The following AOAH variants were observed in gnomAD, a reference collection of about 807,000 sequenced individuals.
The protein encoded by AOAH is acyloxyacyl hydrolase, also known as acyloxyacyl hydrolase (neutrophil).
In AOAH, 64 loss-of-function variants were observed where a neutral mutation model predicts 92.2. That is an observed-to-expected ratio of 0.69 (90% CI 0.57 to 0.86). The LOEUF (loss-of-function observed/expected upper bound fraction) is 0.86, where lower values mean the gene tolerates loss of function less well. Among genes scored for constraint, AOAH ranks in the 40% least tolerant of loss-of-function variants. The pLI, the probability that AOAH is intolerant of heterozygous loss-of-function variation, is 0.00. For synonymous variants in AOAH, 263 were observed against 254.5 expected, an observed-to-expected ratio of 1.03 and a Z score of -0.32; for missense variants, 656 against 694.6, an observed-to-expected ratio of 0.94 and a Z score of 0.62.
At chr7:36,575,347 G>A (rs1450549107) in intron 13 of AOAH, among the ~76,000 whole-genome samples, 1 of 152,192 alleles carries the variant, frequency 6.6e-6, no homozygotes, top group East Asian at 1.9e-4. Context: ...GTGTGGCTGA[G>A]GAAGAGAGTC....
intron 1 of AOAH, among the ~76,000 whole-genome samples, chr7:36,692,899 T>C (rs946866308): frequency 3.0e-4 from 45 of 152,160 alleles, no homozygotes; most frequent in African/African-American, 1.1e-3. Flanking sequence ...CTCTCAGTGA[T>C]AGCCTCTCAG....
chr7:36,601,551 C>T (rs1790601896), intron 11 of AOAH, among the ~76,000 whole-genome samples: 1 of 152,182 alleles, frequency 6.6e-6, no homozygotes, highest in South Asian at 2.1e-4. Flanking sequence ...TCCTTCTGTG[C>T]TTCAGTTTCA....
chr7:36,613,007 TTGTA>T (rs1791577342), intron 11 of AOAH, among the ~76,000 whole-genome samples: 1 of 152,018 alleles, frequency 6.6e-6, no homozygotes, highest in Non-Finnish European at 1.5e-5. Flanking sequence ...CATTTGAAAA[TTGTA>T]TGTAATTATA....
intron 4 of AOAH, among the ~76,000 whole-genome samples, chr7:36,638,434 G>A (rs1165355520): frequency 6.6e-6 from 1 of 152,190 alleles, no homozygotes; most frequent in Non-Finnish European, 1.5e-5. Context: ...CCTGGTTGGA[G>A]ATCTCCTGTC....
intron 11 of AOAH, among the ~76,000 whole-genome samples, chr7:36,613,217 T>C (rs953410738): frequency 6.6e-6 from 1 of 152,208 alleles, no homozygotes; most frequent in East Asian, 1.9e-4. Flanking sequence ...AATTTTTCCT[T>C]CTTAAAATTC....
intron 15 of AOAH, 89 bp downstream of exon 15, chr7:36,548,523 C>T (rs1412174694): frequency 4.6e-6 from 5 of 1,088,072 alleles, no homozygotes; most frequent in Non-Finnish European, 7.0e-6. Flanking sequence ...GAACAGCAGG[C>T]TGCTATAATG....
At chr7:36,665,197 T>C (rs1438493725) in intron 3 of AOAH, among the ~76,000 whole-genome samples, 1 of 122,736 alleles carries the variant, frequency 8.1e-6, no homozygotes, top group African/African-American at 3.4e-5. Flanking sequence ...TTCATTTATC[T>C]AGTTATTTAA....
At chr7:36,708,737 A>T (rs1378408019) in intron 1 of AOAH, among the ~76,000 whole-genome samples, 1 of 151,962 alleles carries the variant, frequency 6.6e-6, no homozygotes, top group Non-Finnish European at 1.5e-5. Flanking sequence ...TCAACTGTGG[A>T]TCTGTTTACC....
At chr7:36,671,605 GTGTA>G (rs776580824) in intron 3 of AOAH, among the ~76,000 whole-genome samples, 80 of 150,590 alleles carry the variant, frequency 5.3e-4, no homozygotes, top group Admixed American at 3.0e-3. Flanking sequence ...ATGCGTGTGT[GTGTA>G]TGTGTGTGTG....
chr7:36,634,797 G>A (rs1314001395), intron 5 of AOAH, among the ~76,000 whole-genome samples: 1 of 152,158 alleles, frequency 6.6e-6, no homozygotes, highest in Non-Finnish European at 1.5e-5. Flanking sequence ...ACTGGTAATA[G>A]CAAACTATTA....
At chr7:36,590,065 G>A (rs12671753) in intron 12 of AOAH, among the ~76,000 whole-genome samples, 36,014 of 151,562 alleles carry the variant, frequency 0.24, 5,260 homozygotes, top group African/African-American at 0.4. Context: ...CAATCTTCCC[G>A]TCTCAGCCTC....
intron 15 of AOAH, among the ~76,000 whole-genome samples, chr7:36,546,422 C>T (rs373031894): frequency 6.6e-6 from 1 of 152,198 alleles, no homozygotes; most frequent in Non-Finnish European, 1.5e-5. Context: ...AACCCCTCCA[C>T]AGGACATCAC....
In AOAH at chr7:36,513,269, C is replaced by G. The variant is rs780432735; in HGVS notation, c.1711G>C (p.Asp571His). The change falls in exon 21 of 21, where the codon GAC becomes CAC. Residue 571 changes from aspartate to histidine, a missense_variant. Physicochemically the swap from Asp to His is moderately conservative, Grantham distance 81. Coordinates refer to ENST00000617537, the MANE Select transcript of AOAH (RefSeq NM_001637.4). The stretch of plus-strand genomic sequence containing the variant: ...TGAGAGGCTCAGTGCCCGCCTTGGT[C>G]TCCAAACACCTGTTTAATCTGGGGG... ...FNPQIKQVFGDQGGH is the reference protein window; with the variant it reads ...FNPQIKQVFGHQGGH 1 of 1,614,196 alleles carries G rather than the reference C, an allele frequency of 6.2e-7. No homozygotes were observed. Among genetic ancestry groups the G allele is most frequent in the South Asian group, 1.1e-5 (1 of 91,084 alleles).
At chr7:36,572,595 T>C (rs1413379835) in intron 13 of AOAH, among the ~76,000 whole-genome samples, 2 of 151,650 alleles carry the variant, frequency 1.3e-5, no homozygotes, top group Non-Finnish European at 2.9e-5. Flanking sequence ...TAAATAATAA[T>C]ACAGTTGGTA....
intron 5 of AOAH, among the ~76,000 whole-genome samples, chr7:36,635,350 C>G (rs1334089960): frequency 1.3e-5 from 2 of 152,094 alleles, no homozygotes; most frequent in African/African-American, 4.8e-5. Flanking sequence ...GAATGCAGAA[C>G]AACAAACGGG....
At chr7:36,690,548 G>A (rs1424842144) in intron 1 of AOAH, among the ~76,000 whole-genome samples, 1 of 152,200 alleles carries the variant, frequency 6.6e-6, no homozygotes, top group Non-Finnish European at 1.5e-5. Flanking sequence ...ACAGGCTAAC[G>A]AATGTTTTTC....
intron 4 of AOAH, among the ~76,000 whole-genome samples, chr7:36,642,394 C>CCTCTATGTGTCTTTTTCTCTTCCTTTGCA (rs1793973400): frequency 6.6e-6 from 1 of 151,960 alleles, no homozygotes; most frequent in African/African-American, 2.4e-5. Context: ...TCAAAAATTC[C>CCTCTATGTGTCTTTTTCTCTTCCTTTGCA]CAGCAAACCA....
At chr7:36,664,047 AT>A (rs35818535) in intron 3 of AOAH, among the ~76,000 whole-genome samples, 124,913 of 150,886 alleles carry the variant, frequency 0.83, 52,039 homozygotes, top group African/African-American at 0.94. Flanking sequence ...TTTTAGGTTC[AT>A]TTTTTTTTTA....
At chr7:36,663,887 G>A (rs1236437247) in intron 3 of AOAH, among the ~76,000 whole-genome samples, 1 of 151,848 alleles carries the variant, frequency 6.6e-6, no homozygotes, top group Non-Finnish European at 1.5e-5. Flanking sequence ...TTTTTTTTCA[G>A]TTTTTTTAAA....
Sources: allele counts gnomAD v4.1 joint callset (sites outside exome capture counted in the v4.1 genomes callset), GRCh38; gene constraint gnomAD v4.1.1; transcripts MANE v1.5; gene names NCBI Gene and HGNC (gene_info 2026-07-23, HGNC 2026-07-21).